Variants in R3HDM2 observed in about 807,000 individuals in gnomAD.
R3HDM2 encodes the protein R3H domain-containing protein 2.
R3HDM2 carries 38 observed loss-of-function variants against 124.5 expected under a neutral mutation model. That is an observed-to-expected ratio of 0.31 (90% CI 0.24 to 0.40). The LOEUF (loss-of-function observed/expected upper bound fraction) is 0.40, where lower values mean the gene tolerates loss of function less well. Ranked by LOEUF, R3HDM2 falls within the 10% of genes least tolerant of loss-of-function variation. The pLI, the probability that R3HDM2 is intolerant of heterozygous loss-of-function variation, is 1.00. For missense variants in R3HDM2, 869 were observed against 1,236.9 expected (o/e 0.70, Z 4.46); for synonymous variants, 391 against 448.0 (o/e 0.87, Z 1.61).
At chr12:57,359,257 C>T (rs1175117320) in intron 2 of R3HDM2, among the ~76,000 whole-genome samples, 8 of 152,018 alleles carry the variant, frequency 5.3e-5, no homozygotes, top group African/African-American at 1.2e-4. Context: ...GATGGTGTTT[C>T]GCCATGCTGC....
At chr12:57,417,642 A>T (rs192066635) in intron 1 of R3HDM2, among the ~76,000 whole-genome samples, 16 of 152,290 alleles carry the variant, frequency 1.1e-4, no homozygotes, top group African/African-American at 2.9e-4. Flanking sequence ...CACTGTCAAA[A>T]TTTTTGCCAA....
At chr12:57,300,504 C>A (rs900894510) in intron 4 of R3HDM2, among the ~76,000 whole-genome samples, 1 of 152,222 alleles carries the variant, frequency 6.6e-6, no homozygotes, top group Admixed American at 6.5e-5. Context: ...TGCAAACACA[C>A]AGCAACATAG....
At chr12:57,269,523 C>A (rs980336113) in intron 15 of R3HDM2, 74 bp from the exon 16 acceptor site, 1 of 1,559,894 alleles carries the variant, frequency 6.4e-7, no homozygotes, top group African/African-American at 1.4e-5. Context: ...ACTATAAATG[C>A]CTCAAGATTG....
chr12:57,285,041 A>G (rs940129532), intron 12 of R3HDM2, among the ~76,000 whole-genome samples: 1 of 152,116 alleles, frequency 6.6e-6, no homozygotes, highest in African/African-American at 2.4e-5. Flanking sequence ...ACAACTAATG[A>G]CCTAAGGAAA....
intron 2 of R3HDM2, among the ~76,000 whole-genome samples, chr12:57,314,861 C>T (rs995376274): frequency 6.6e-6 from 1 of 151,882 alleles, no homozygotes; most frequent in Non-Finnish European, 1.5e-5. Context: ...AAGCAGTTTT[C>T]GTTTTTTGGT....
intron 1 of R3HDM2, among the ~76,000 whole-genome samples, chr12:57,421,429 C>A (rs1332469077): frequency 7.0e-6 from 1 of 142,946 alleles, no homozygotes; most frequent in African/African-American, 2.6e-5. Flanking sequence ...GGATTACAGG[C>A]GTAAGCGACC....
intron 2 of R3HDM2, among the ~76,000 whole-genome samples, chr12:57,372,163 A>T (rs1370239220): frequency 1.3e-5 from 2 of 152,160 alleles, no homozygotes; most frequent in African/African-American, 4.8e-5. Flanking sequence ...CACTGCACCC[A>T]GCCAACTGTG....
At chr12:57,327,989 A>C (rs1461098994) in intron 2 of R3HDM2, among the ~76,000 whole-genome samples, 1 of 152,156 alleles carries the variant, frequency 6.6e-6, no homozygotes, top group Non-Finnish European at 1.5e-5. Flanking sequence ...TCAACTGTGG[A>C]TAACATGCTA....
At chr12:57,351,577 T>G (rs1054821551) in intron 2 of R3HDM2, among the ~76,000 whole-genome samples, 3 of 152,174 alleles carry the variant, frequency 2.0e-5, no homozygotes, top group African/African-American at 7.2e-5. Flanking sequence ...TGAGAGATTT[T>G]CTCTAGGTAA....
rs1213647030 is a variant in R3HDM2 at position 57,376,431 on chromosome 12, A to AG, written c.-36+19317dup. On this transcript the variant is annotated intron_variant, in intron 2 of 23. Coordinates refer to ENST00000402412, the MANE Select transcript of R3HDM2 (RefSeq NM_001394031.1). ...GGGTACAGATGGAGACTAGGCTTGT[A>AG]GGATATCCCTGAACCATCCTATTCT... is the stretch of plus-strand genomic sequence containing the variant. 3.3e-5 allele frequency among the ~76,000 whole-genome samples: 5 copies of AG among 152,334 alleles called. No homozygotes were observed. The East Asian group carries it at 9.6e-4, about 29-fold the overall frequency.
At chr12:57,325,825 G>A (rs960256801) in intron 2 of R3HDM2, among the ~76,000 whole-genome samples, 3 of 151,550 alleles carry the variant, frequency 2.0e-5, no homozygotes, top group Non-Finnish European at 4.4e-5. Flanking sequence ...TTACAGGTGT[G>A]AGCCACTGTG....
intron 2 of R3HDM2, among the ~76,000 whole-genome samples, chr12:57,359,632 T>C (rs141693376): frequency 6.6e-6 from 1 of 152,220 alleles, no homozygotes; most frequent in Admixed American, 6.5e-5. Context: ...TGCTTTTAGA[T>C]GCAATCTGAT....
chr12:57,308,881 A>T (rs1593067154), intron 3 of R3HDM2, among the ~76,000 whole-genome samples: 1 of 152,354 alleles, frequency 6.6e-6, no homozygotes, highest in South Asian at 2.1e-4. Context: ...TCTGTCCTGA[A>T]TATTTAAAAT....
At chr12:57,419,686 C>T (rs906195784) in intron 1 of R3HDM2, among the ~76,000 whole-genome samples, 1 of 152,054 alleles carries the variant, frequency 6.6e-6, no homozygotes, top group African/African-American at 2.4e-5. Context: ...ATGTAATTCT[C>T]CCGCCTTGAC....
intron 2 of R3HDM2, among the ~76,000 whole-genome samples, chr12:57,367,526 C>T (rs1275016417): frequency 3.9e-5 from 6 of 152,164 alleles, no homozygotes; most frequent in Non-Finnish European, 8.8e-5. Flanking sequence ...CTTGGCTTCT[C>T]GATTCCTACC....
rs1416500640 is a variant in R3HDM2, at chr12:57,296,367, G to A, written c.701+44C>T. The A allele has an allele frequency of 6.5e-7, 1 of 1,547,576 alleles. No individual in the cohort carries two copies. The highest frequency in any genetic ancestry group is 8.7e-7 in the Non-Finnish European group (1 of 1,143,224). On this transcript the variant is annotated intron_variant, in intron 9 of 23. Transcript: ENST00000402412. The surrounding 1 kb of genome is among the most constrained non-coding windows in gnomAD (Gnocchi z 4.5). ...ACACCTTCCTCTTCCAACCCAGCAG[G>A]TTATCCCAGGGAAGTCTTCCCAAAC...
In R3HDM2 at chr12:57,254,719, C is replaced by T. The variant is rs1339911285; in HGVS notation, c.*54G>A. The T allele has an allele frequency of 2.1e-6, 3 of 1,408,296 alleles. No homozygotes were observed. Among genetic ancestry groups the T allele is most frequent in the African/African-American group, 1.4e-5 (1 of 69,292 alleles). 87.2% of individuals were successfully genotyped at this position (1,408,296 alleles called of 1,614,324 possible). On this transcript the variant is annotated 3_prime_UTR_variant, in exon 24 of 24. Coordinates refer to ENST00000402412, the MANE Select transcript of R3HDM2 (RefSeq NM_001394031.1). ...TCCATGGTCTGTCAGGATCCTTCAACCCCCTCCACCCTGCCCTTGCTCCTT... is the reference window on the plus strand; with the variant it reads ...TCCATGGTCTGTCAGGATCCTTCAATCCCCTCCACCCTGCCCTTGCTCCTT...
At chr12:57,401,939 G>C (rs748921010) in intron 1 of R3HDM2, among the ~76,000 whole-genome samples, 30 of 151,798 alleles carry the variant, frequency 2.0e-4, no homozygotes, top group Admixed American at 1.4e-3. Context: ...AGCCAAGATC[G>C]AGCTGCTGCA....
chr12:57,340,651 C>G (rs1017814079), intron 2 of R3HDM2, among the ~76,000 whole-genome samples: 5 of 152,018 alleles, frequency 3.3e-5, no homozygotes, highest in Admixed American at 6.6e-5. Context: ...TCACTTCACA[C>G]AAAGAATTCA....
Sources: allele counts gnomAD v4.1 joint callset (sites outside exome capture counted in the v4.1 genomes callset), GRCh38; gene constraint gnomAD v4.1.1; non-coding constraint Gnocchi (gnomAD v3.1); transcripts MANE v1.5; gene names NCBI Gene and HGNC (gene_info 2026-07-23, HGNC 2026-07-21).